The following PKD1L1 variants were observed in gnomAD, a reference collection of about 807,000 sequenced individuals.
The protein encoded by PKD1L1 is polycystin-1-like protein 1.
PKD1L1 carries 236 observed loss-of-function variants against 323.4 expected under a neutral mutation model. The observed-to-expected ratio is 0.73, with a 90% confidence interval of 0.66 to 0.81. PKD1L1 has a LOEUF of 0.81. Ranked by LOEUF, PKD1L1 falls within the 40% of genes least tolerant of loss-of-function variation. The probability of loss-of-function intolerance (pLI) is 0.00; values close to 1 mark genes in which losing one functional copy is unlikely to be tolerated. For synonymous variants in PKD1L1, 1,344 were observed against 1,335.0 expected (o/e 1.01, Z -0.15); for missense variants, 3,320 against 3,508.0 (o/e 0.95, Z 1.35).
At chr7:47,906,611 C>G (rs567643438) in intron 9 of PKD1L1, among the ~76,000 whole-genome samples, 6 of 151,968 alleles carry the variant, frequency 3.9e-5, no homozygotes, top group Non-Finnish European at 7.4e-5. Flanking sequence ...ACTGTGATGT[C>G]TAAGAAGATT....
At chr7:47,932,941 A>G (rs1250312483) in intron 4 of PKD1L1, among the ~76,000 whole-genome samples, 1 of 152,150 alleles carries the variant, frequency 6.6e-6, no homozygotes, top group African/African-American at 2.4e-5. Flanking sequence ...GAGGCTCTGG[A>G]GCTCAGTCCC....
intron 52 of PKD1L1, among the ~76,000 whole-genome samples, chr7:47,807,733 C>T (rs555312879): frequency 6.6e-5 from 10 of 152,246 alleles, no homozygotes; most frequent in African/African-American, 2.2e-4. Context: ...GAGCCCCCAT[C>T]CCTGTGGGGA....
intron 56 of PKD1L1, among the ~76,000 whole-genome samples, chr7:47,785,101 A>AAT (rs2128722052): frequency 6.6e-6 from 1 of 152,234 alleles, no homozygotes; most frequent in Non-Finnish European, 1.5e-5. Flanking sequence ...TAAGTCTAGG[A>AAT]ATATACTGGT....
chr7:47,902,026 A>G (rs1391498315), intron 13 of PKD1L1, among the ~76,000 whole-genome samples: 1 of 149,582 alleles, frequency 6.7e-6, no homozygotes, highest in Non-Finnish European at 1.5e-5. Context: ...AAAGAAAGGA[A>G]AGGAAAGGAA....
intron 16 of PKD1L1, among the ~76,000 whole-genome samples, chr7:47,889,745 G>A (rs1235282549): frequency 1.3e-5 from 2 of 152,120 alleles, no homozygotes; most frequent in Non-Finnish European, 1.5e-5. Context: ...GAAGCAGTTC[G>A]ATCTGCCCAG....
rs145960512 is a variant in PKD1L1, at chr7:47,877,522, G to A, written c.3630C>T (p.Thr1210=). 17 of 1,613,814 alleles carry A rather than the reference G, an allele frequency of 1.1e-5. No homozygotes were observed. Among genetic ancestry groups the A allele is most frequent in the East Asian group, 4.5e-5 (2 of 44,872 alleles). ...VQPHHGLEAH[T]VFSVFCMSGK... is the part of the protein sequence containing the mutation. ...CAGACATGCAGAAGACACTGAAGACGGTGTGTGCTTCCAGACCATGGTGGG... is the reference window on the plus strand; with the variant it reads ...CAGACATGCAGAAGACACTGAAGACAGTGTGTGCTTCCAGACCATGGTGGG... The change falls in exon 22 of 57, where the codon ACC becomes ACT. Residue 1210 remains threonine (T), a synonymous_variant. Coordinates refer to ENST00000289672, the MANE Select transcript of PKD1L1 (RefSeq NM_138295.5).
At chr7:47,808,487 T>A in intron 51 of PKD1L1, 100 bp from the exon 52 acceptor site, 2 of 1,411,104 alleles carry the variant, frequency 1.4e-6, no homozygotes, top group Non-Finnish European at 2.0e-6. Flanking sequence ...ATGAGTCACT[T>A]AACTACAGGG....
At chr7:47,806,625 C>A (rs941651590) in intron 52 of PKD1L1, among the ~76,000 whole-genome samples, 1 of 152,222 alleles carries the variant, frequency 6.6e-6, no homozygotes, top group Non-Finnish European at 1.5e-5. Flanking sequence ...CTGCAGTTTC[C>A]AGCCTTGTGG....
At chr7:47,857,565 A>G (rs1195818644) in intron 28 of PKD1L1, 40 bp downstream of exon 28, 1 of 1,549,158 alleles carries the variant, frequency 6.5e-7, no homozygotes, top group Admixed American at 1.8e-5. Flanking sequence ...GCAAATTTGA[A>G]ATGGTCATTA....
chr7:47,905,550 G>T (rs924364797), intron 10 of PKD1L1, among the ~76,000 whole-genome samples: 6 of 152,212 alleles, frequency 3.9e-5, no homozygotes, highest in Admixed American at 6.5e-5. Context: ...GTGCTCCTAA[G>T]GCCATAGGGC....
At chr7:47,836,652 T>C (rs1442024597) in intron 37 of PKD1L1, among the ~76,000 whole-genome samples, 1 of 152,188 alleles carries the variant, frequency 6.6e-6, no homozygotes, top group African/African-American at 2.4e-5. Context: ...TGCCAGCCTC[T>C]CTGGAAAAGT....
intron 7 of PKD1L1, among the ~76,000 whole-genome samples, chr7:47,916,004 T>A (rs1282659675): frequency 6.6e-6 from 1 of 152,166 alleles, no homozygotes. Flanking sequence ...TCCCAGAGTG[T>A]TAAAAAGGAA....
chr7:47,930,841 C>A (rs1787754627), intron 6 of PKD1L1, among the ~76,000 whole-genome samples: 1 of 152,060 alleles, frequency 6.6e-6, no homozygotes, highest in South Asian at 2.1e-4. Context: ...ACAACAACAA[C>A]AAAATATACA....
At chr7:47,836,769 T>G in intron 37 of PKD1L1, 152 bp downstream of exon 37, 1 of 974,774 alleles carries the variant, frequency 1.0e-6, no homozygotes, top group Non-Finnish European at 1.5e-6. Flanking sequence ...AGAGCCCTCC[T>G]GTTCCTTCTC....
Position 47,940,336 on chromosome 7 carries a change from G to C in PKD1L1, c.161-19C>G, listed in dbSNP as rs747513389. On this transcript the variant is annotated intron_variant, in intron 2 of 56. Transcript: ENST00000289672. ...TAGACCTCTAGAGAAAAAAAAAAAA[G>C]CAAACATTCTGAAGACTGCAATGTG... The C allele has an allele frequency of 6.9e-6, 11 of 1,594,986 alleles. No individual in the cohort carries two copies. In the African/African-American group the frequency reaches 1.5e-4, roughly 22 times the overall value.
intron 44 of PKD1L1, among the ~76,000 whole-genome samples, chr7:47,828,048 G>A (rs1457370487): frequency 6.6e-6 from 1 of 152,096 alleles, no homozygotes; most frequent in Admixed American, 6.5e-5. Context: ...AGAGACTCTG[G>A]GCTTCTAGGA....
intron 15 of PKD1L1, among the ~76,000 whole-genome samples, chr7:47,893,399 T>TA (rs924631541): frequency 4.3e-4 from 66 of 152,266 alleles, no homozygotes; most frequent in African/African-American, 1.5e-3. Context: ...GAGAATGGTC[T>TA]AAACAGAGAA....
intron 55 of PKD1L1, among the ~76,000 whole-genome samples, chr7:47,793,617 G>T (rs1021178466): frequency 5.3e-5 from 8 of 152,134 alleles, no homozygotes; most frequent in African/African-American, 1.9e-4. Flanking sequence ...TCAGCAGCTT[G>T]AAAATGAACT....
chr7:47,900,665 C>G (rs1386268852), intron 13 of PKD1L1, among the ~76,000 whole-genome samples: 7 of 151,988 alleles, frequency 4.6e-5, no homozygotes, highest in African/African-American at 1.7e-4. Context: ...GGGGTGGAGA[C>G]TGCAGTGAGC....
Sources: allele counts gnomAD v4.1 joint callset (sites outside exome capture counted in the v4.1 genomes callset), GRCh38; gene constraint gnomAD v4.1.1; transcripts MANE v1.5; gene names NCBI Gene and HGNC (gene_info 2026-07-23, HGNC 2026-07-21).